FRAS1: variants seen among roughly 807,000 people sequenced by gnomAD.
FRAS1 encodes the protein Fraser extracellular matrix complex subunit 1.
FRAS1 carries 290 observed loss-of-function variants against 435.2 expected under a neutral mutation model. The observed-to-expected ratio is 0.67, with a 90% CI of 0.61 to 0.73. The LOEUF (loss-of-function observed/expected upper bound fraction) is 0.73, where lower values mean the gene tolerates loss of function less well. Ranked by LOEUF, FRAS1 falls within the 30% of genes least tolerant of loss-of-function variation. FRAS1 has a pLI of 0.00. For missense variants in FRAS1, 4,860 were observed against 5,001.5 expected, an observed-to-expected ratio of 0.97 and a Z score of 0.85; for synonymous variants, 1,800 against 1,851.0, an observed-to-expected ratio of 0.97 and a Z score of 0.71.
chr4:78,416,704 A>G (rs1733570715), intron 32 of FRAS1, among the ~76,000 whole-genome samples: 1 of 152,162 alleles, frequency 6.6e-6, no homozygotes, highest in African/African-American at 2.4e-5. Context: ...TTCATAGGTC[A>G]TTGTAGGAAC....
intron 18 of FRAS1, among the ~76,000 whole-genome samples, chr4:78,320,107 C>T (rs1263157442): frequency 6.6e-6 from 1 of 152,170 alleles, no homozygotes; most frequent in Non-Finnish European, 1.5e-5. Flanking sequence ...TGGGGAATCC[C>T]CTGCTCCCTG....
intron 42 of FRAS1, 114 bp downstream of exon 42, chr4:78,445,826 A>C: frequency 7.0e-7 from 1 of 1,421,934 alleles, no homozygotes; most frequent in Non-Finnish European, 9.2e-7. Context: ...GACCTTCAAA[A>C]TTGAAGGTCG....
chr4:78,237,720 T>G, intron 3 of FRAS1, 103 bp downstream of exon 3: 9 of 501,448 alleles, frequency 1.8e-5, no homozygotes, highest in Non-Finnish European at 2.7e-5. Context: ...TTCTAATCTC[T>G]ACCTGGGAGC....
At chr4:78,512,528 A>T (rs1431939233) in intron 64 of FRAS1, among the ~76,000 whole-genome samples, 1 of 152,202 alleles carries the variant, frequency 6.6e-6, no homozygotes, top group Non-Finnish European at 1.5e-5. Flanking sequence ...CAAAAATGCA[A>T]CCCATAAGTA....
Position 78,529,674 on chromosome 4 carries a change from A to G in FRAS1, c.10925+3017A>G, listed in dbSNP as rs1357105269. Among the ~76,000 whole-genome samples the G allele has an allele frequency of 2.6e-5, 4 of 152,138 alleles. No homozygotes were observed. The East Asian group carries it at 7.7e-4, about 29-fold the overall frequency. On this transcript the variant is annotated intron_variant, in intron 70 of 73. Coordinates refer to ENST00000512123, the MANE Select transcript of FRAS1 (RefSeq NM_025074.7). ...GAAACCACACATAATACCAAACCCT[A>G]TATGTACAATGTTTTTTCAATCTGC... is the stretch of plus-strand genomic sequence containing the variant.
intron 2 of FRAS1, among the ~76,000 whole-genome samples, chr4:78,222,517 G>A (rs1242406195): frequency 1.3e-5 from 2 of 152,234 alleles, no homozygotes; most frequent in African/African-American, 4.8e-5. Flanking sequence ...GCCTTTGCAT[G>A]TATATGCTGG....
rs536888347 is a variant in FRAS1 at position 78,196,337 on chromosome 4, T to C, written c.109-41173T>C. 3.9e-5 allele frequency among the ~76,000 whole-genome samples: 6 copies of C among 152,300 alleles called. No homozygotes were observed. In the South Asian group the frequency reaches 8.3e-4, roughly 21 times the overall value. ...TCTTATTTATAACAAGATCATATCTTATTGATTGTAGTATCTCTAGCATCT... is the reference window on the plus strand; with the variant it reads ...TCTTATTTATAACAAGATCATATCTCATTGATTGTAGTATCTCTAGCATCT... On this transcript the variant is annotated intron_variant, in intron 2 of 73. Transcript: ENST00000512123.
intron 2 of FRAS1, among the ~76,000 whole-genome samples, chr4:78,075,960 G>C (rs548401390): frequency 2.6e-5 from 4 of 152,252 alleles, no homozygotes; most frequent in Admixed American, 6.5e-5. Context: ...CTGGAATAAG[G>C]CATTTGAATT....
chr4:78,273,269 T>G (rs1254194801), intron 9 of FRAS1, among the ~76,000 whole-genome samples: 1 of 152,176 alleles, frequency 6.6e-6, no homozygotes, highest in Admixed American at 6.5e-5. Context: ...ATAGGGACAA[T>G]TTGACTTCCT....
intron 30 of FRAS1, 22 bp from the exon 31 acceptor site, chr4:78,407,641 T>A (rs1578304418): frequency 6.3e-7 from 1 of 1,590,466 alleles, no homozygotes; most frequent in Non-Finnish European, 8.5e-7. Flanking sequence ...CCTCACTAAC[T>A]ATGTGGCCTG....
intron 2 of FRAS1, among the ~76,000 whole-genome samples, chr4:78,170,375 T>C (rs954862133): frequency 1.1e-4 from 17 of 152,188 alleles, no homozygotes; most frequent in Non-Finnish European, 7.3e-5. Flanking sequence ...CCGGTAGTGA[T>C]ATTTCTCCTC....
At chr4:78,170,872 T>A (rs893330453) in intron 2 of FRAS1, among the ~76,000 whole-genome samples, 3 of 152,046 alleles carry the variant, frequency 2.0e-5, no homozygotes, top group Admixed American at 6.6e-5. Context: ...GCTCTGCCTT[T>A]GAATTCCTTT....
chr4:78,447,817 C>T (rs77810228), intron 43 of FRAS1, among the ~76,000 whole-genome samples: 3,938 of 152,128 alleles, frequency 0.026, 172 homozygotes, highest in African/African-American at 0.09. Flanking sequence ...TCTGTGTCTC[C>T]TTAAGAGACT....
intron 2 of FRAS1, among the ~76,000 whole-genome samples, chr4:78,079,702 C>T (rs1464315411): frequency 6.6e-6 from 1 of 152,026 alleles, no homozygotes; most frequent in Non-Finnish European, 1.5e-5. Context: ...GCTAATATTC[C>T]AAGAGAAAAG....
chr4:78,286,687 A>T, intron 14 of FRAS1, 148 bp downstream of exon 14: 1 of 728,528 alleles, frequency 1.4e-6, no homozygotes, highest in Non-Finnish European at 2.2e-6. Flanking sequence ...TGGGATGAGG[A>T]GAACAGTGTG....
At chr4:78,324,387 A>G (rs904880754) in intron 18 of FRAS1, among the ~76,000 whole-genome samples, 1 of 152,172 alleles carries the variant, frequency 6.6e-6, no homozygotes, top group Admixed American at 6.5e-5. Flanking sequence ...TGGCAACACT[A>G]CCTATAACCC....
chr4:78,522,056 AC>A (rs1457355198), intron 68 of FRAS1, among the ~76,000 whole-genome samples: 1 of 152,220 alleles, frequency 6.6e-6, no homozygotes, highest in Non-Finnish European at 1.5e-5. Context: ...TTCATATGTT[AC>A]ATTTTGATTG....
chr4:78,394,497 G>C (rs1354645128), intron 29 of FRAS1, among the ~76,000 whole-genome samples: 1 of 151,766 alleles, frequency 6.6e-6, no homozygotes, highest in Non-Finnish European at 1.5e-5. Flanking sequence ...TTGCACTCTT[G>C]TTGAAGAATA....
chr4:78,281,344 T>C, intron 10 of FRAS1, 54 bp from the exon 11 acceptor site: 1 of 1,209,926 alleles, frequency 8.3e-7, no homozygotes, highest in Non-Finnish European at 1.2e-6. Flanking sequence ...AATAAAATAA[T>C]CAGCCTAATG....
Sources: allele counts gnomAD v4.1 joint callset (sites outside exome capture counted in the v4.1 genomes callset), GRCh38; gene constraint gnomAD v4.1.1; transcripts MANE v1.5; gene names NCBI Gene and HGNC (gene_info 2026-07-23, HGNC 2026-07-21).